ERC1: variants seen among roughly 807,000 people sequenced by gnomAD.
ERC1 encodes the protein ELKS/RAB6-interacting/CAST family member 1.
A neutral mutation model predicts 132.0 loss-of-function variants in ERC1; 56 were observed. The observed-to-expected ratio is 0.42, with a 90% CI of 0.34 to 0.53. The LOEUF (loss-of-function observed/expected upper bound fraction) is 0.53. Ranked by LOEUF, ERC1 falls within the 20% of genes least tolerant of loss-of-function variation. ERC1 has a pLI of 0.03. For synonymous variants in ERC1, 478 were observed against 476.1 expected (o/e 1.00, Z -0.05); for missense variants, 1,202 against 1,349.9 (o/e 0.89, Z 1.72).
chr12:1,141,160 C>G (rs1183614291), intron 7 of ERC1, among the ~76,000 whole-genome samples: 1 of 152,128 alleles, frequency 6.6e-6, no homozygotes, highest in African/African-American at 2.4e-5. Flanking sequence ...TTTGCTTTTG[C>G]TTTGTATGGA....
intron 15 of ERC1, among the ~76,000 whole-genome samples, chr12:1,356,337 A>G (rs1268179289): frequency 2.0e-5 from 3 of 151,944 alleles, no homozygotes; most frequent in African/African-American, 7.3e-5. Context: ...TATAGTTTTG[A>G]AATCTTTACT....
Position 1,027,870 on chromosome 12 carries a change from A to C in ERC1, c.-34A>C. 2 of 1,544,944 alleles carry C rather than the reference A, an allele frequency of 1.3e-6. No individual in the cohort carries two copies. Among genetic ancestry groups the C allele is most frequent in the Non-Finnish European group, 1.7e-6 (2 of 1,144,578 alleles). On this transcript the variant is annotated 5_prime_UTR_variant, in exon 2 of 19. Coordinates refer to ENST00000360905, the MANE Select transcript of ERC1 (RefSeq NM_178040.4). ...CCCATTTTTGTTGTTGTTGTTGTTG[A>C]TTTTCTGCTCACACCTTTCCTGACC...
intron 11 of ERC1, among the ~76,000 whole-genome samples, chr12:1,189,245 G>A (rs1170474376): frequency 6.6e-6 from 1 of 152,116 alleles, no homozygotes; most frequent in Non-Finnish European, 1.5e-5. Context: ...GAATTCATTT[G>A]TTTGTCCCAT....
chr12:1,339,490 A>G lies in ERC1; in HGVS notation c.2781-32343A>G, dbSNP rs1452182359. ...GTGGCAGAGGCAGCTCAGCTGGACA[A>G]CTGTGACAGGGTGCTAGCAGGTGCC... is the stretch of plus-strand genomic sequence containing the variant. On this transcript the variant is annotated intron_variant, in intron 15 of 18. Transcript: ENST00000360905. Among the ~76,000 whole-genome samples the G allele has an allele frequency of 2.8e-5, 4 of 142,824 alleles. No homozygotes were observed. In the East Asian group the frequency reaches 6.4e-4, roughly 23 times the overall value. The allele number at this position is 142,824 out of a possible 152,430, so 93.7% of individuals were successfully genotyped here. A position where few individuals can be genotyped will look rare whatever the true frequency, so the allele number is the denominator to read the frequency against.
intron 6 of ERC1, chr12:1,115,545 C>T: frequency 3.9e-6 from 1 of 253,990 alleles, no homozygotes; most frequent in Admixed American, 5.0e-5. Flanking sequence ...TGTTCAGTTG[C>T]TTACTGCTGT....
At chr12:995,547 C>G (rs537721460) in intron 1 of ERC1, among the ~76,000 whole-genome samples, 3 of 152,214 alleles carry the variant, frequency 2.0e-5, no homozygotes, top group African/African-American at 7.2e-5. Flanking sequence ...ACCAGAAGTT[C>G]AGGGTGATGT....
At chr12:1,400,960 G>C (rs2091001916) in intron 16 of ERC1, among the ~76,000 whole-genome samples, 1 of 79,716 alleles carries the variant, frequency 1.3e-5, no homozygotes, top group Admixed American at 2.2e-4. Context: ...TTTTGTGACG[G>C]AGTCTTGCTC....
At chr12:1,102,063 T>G (rs1473031580) in intron 3 of ERC1, among the ~76,000 whole-genome samples, 1 of 151,748 alleles carries the variant, frequency 6.6e-6, no homozygotes, top group Non-Finnish European at 1.5e-5. Flanking sequence ...AAGGGTGGAG[T>G]TTAGAGCTAG....
chr12:1,122,573 C>A lies in ERC1; in HGVS notation c.1569+6540C>A, dbSNP rs1947626960. ...TCTCTATCTCTATCTCTATCTGTGT[C>A]TCTATCTCTATCTCTATCTCTATCT... On this transcript the variant is annotated intron_variant, in intron 7 of 18. Coordinates refer to ENST00000360905, the MANE Select transcript of ERC1 (RefSeq NM_178040.4). 4.3e-4 allele frequency among the ~76,000 whole-genome samples: 9 copies of A among 21,128 alleles called. 1 individual carries two copies. The highest frequency in any genetic ancestry group is 7.9e-4 in the African/African-American group (6 of 7,570). 13.9% of individuals were successfully genotyped at this position (21,128 alleles called of 152,430 possible).
At chr12:1,122,573 C>CTGTATATA (rs1566021425) in intron 7 of ERC1, among the ~76,000 whole-genome samples, 1 of 21,088 alleles carries the variant, frequency 4.7e-5, no homozygotes, top group Non-Finnish European at 1.4e-4. Flanking sequence ...CTATCTGTGT[C>CTGTATATA]TCTATCTCTA....
chr12:1,424,840 TAGATGATA>T (rs748338954), intron 17 of ERC1, among the ~76,000 whole-genome samples: 1,168 of 115,192 alleles, frequency 0.01, 13 homozygotes, highest in African/African-American at 0.013. Context: ...GATAGATAGA[TAGATGATA>T]GATAGATAGA....
intron 13 of ERC1, among the ~76,000 whole-genome samples, chr12:1,247,248 C>T (rs1006081733): frequency 6.6e-6 from 1 of 151,832 alleles, no homozygotes; most frequent in Admixed American, 6.6e-5. Flanking sequence ...AAAAAAAAAT[C>T]CGGAAAGAAA....
At chr12:1,400,472 A>G (rs1265801580) in intron 16 of ERC1, among the ~76,000 whole-genome samples, 1 of 151,798 alleles carries the variant, frequency 6.6e-6, no homozygotes, top group Non-Finnish European at 1.5e-5. Flanking sequence ...CTCTTTGGGT[A>G]TATTATCCAA....
chr12:1,148,488 C>T (rs574411444), intron 8 of ERC1, among the ~76,000 whole-genome samples: 3 of 152,190 alleles, frequency 2.0e-5, no homozygotes, highest in Non-Finnish European at 2.9e-5. Flanking sequence ...CTTAGTACAC[C>T]ACACTGCCCC....
rs139069501 is a variant in ERC1 at position 1,006,991 on chromosome 12, G to C, written c.-157+15669G>C. Among the ~76,000 whole-genome samples the C allele has an allele frequency of 3.3e-3, 495 of 150,664 alleles. 1 individual carries two copies. Among genetic ancestry groups the C allele is most frequent in the African/African-American group, 0.011 (445 of 41,154 alleles). ...ATATATATGGTGTATAGTATATAGT[G>C]TATATATAGTATAGTGTGTATATAT... On this transcript the variant is annotated intron_variant, in intron 1 of 18. Transcript: ENST00000360905.
At chr12:1,159,124 T>C (rs1332064792) in intron 8 of ERC1, among the ~76,000 whole-genome samples, 1 of 152,210 alleles carries the variant, frequency 6.6e-6, no homozygotes, top group Non-Finnish European at 1.5e-5. Flanking sequence ...ATGAATTGAT[T>C]TCCTCTCAGG....
chr12:1,400,916 A>ATTTTTTTTTTTTT (rs869202443), intron 16 of ERC1, among the ~76,000 whole-genome samples: 3 of 15,040 alleles, frequency 2.0e-4, no homozygotes, highest in Non-Finnish European at 1.1e-4. Context: ...CTATTTTTGT[A>ATTTTTTTTTTTTT]TTTTTTTTTT....
chr12:1,424,887 T>C, intron 17 of ERC1, among the ~76,000 whole-genome samples: 1 of 151,102 alleles, frequency 6.6e-6, no homozygotes, highest in South Asian at 2.1e-4. Flanking sequence ...GATAGATAGA[T>C]AGATAGATAG....
rs112012972 is a variant in ERC1, at chr12:1,224,875, C to T, written c.2352-11894C>T. 4.0e-3 allele frequency among the ~76,000 whole-genome samples: 613 copies of T among 151,882 alleles called. 1 individual carries two copies. Among genetic ancestry groups the T allele is most frequent in the African/African-American group, 0.013 (551 of 41,412 alleles). Reference sequence around the variant, plus strand: ...GCATGGTGGCATACGTCTATAGTCCCGGCTACTTGGGAGGCTGACATAGGA... The same window carrying T: ...GCATGGTGGCATACGTCTATAGTCCTGGCTACTTGGGAGGCTGACATAGGA... On this transcript the variant is annotated intron_variant, in intron 12 of 18. Coordinates refer to ENST00000360905, the MANE Select transcript of ERC1 (RefSeq NM_178040.4).
Sources: gnomAD v4.1 joint callset for allele counts (sites outside exome capture counted in the v4.1 genomes callset) on GRCh38, gnomAD v4.1.1 for gene constraint, MANE v1.5 for transcripts, NCBI Gene and HGNC (gene_info 2026-07-23, HGNC 2026-07-21) for gene names.